The following KRT76 variants were observed in gnomAD, a reference collection of about 807,000 sequenced individuals.
The protein encoded by KRT76 is keratin, type II cytoskeletal 2 oral.
Under a neutral mutation model 44.9 loss-of-function variants are expected in KRT76, and 47 were observed. That is an observed-to-expected ratio of 1.05 (90% confidence interval 0.83 to 1.33). The LOEUF (loss-of-function observed/expected upper bound fraction) is 1.33, where lower values mean the gene tolerates loss of function less well. Among genes scored for constraint, KRT76 ranks in the 40% most tolerant of loss-of-function variants. The probability of loss-of-function intolerance (pLI) is 0.00; values close to 1 mark genes in which losing one functional copy is unlikely to be tolerated. For missense variants in KRT76, 860 were observed against 775.8 expected, an observed-to-expected ratio of 1.11 and a Z score of -1.29; for synonymous variants, 331 against 294.1, an observed-to-expected ratio of 1.13 and a Z score of -1.28.
At chr12:52,771,331 C>G in intron 6 of KRT76, 112 bp from the exon 7 acceptor site, 1 of 1,016,550 alleles carries the variant, frequency 9.8e-7, no homozygotes, top group South Asian at 1.5e-5. Flanking sequence ...CCTTAGAAAT[C>G]CCAATGGAGC....
intron 1 of KRT76, 109 bp downstream of exon 1, chr12:52,776,583 C>T (rs1198550584): frequency 7.0e-6 from 11 of 1,573,380 alleles, no homozygotes; most frequent in Non-Finnish European, 9.5e-6. Context: ...AGCACCAGGA[C>T]AAGAGCCAAG....
At chr12:52,769,743 C>T (rs1221572145) in intron 7 of KRT76, among the ~76,000 whole-genome samples, 160 bp from the exon 8 acceptor site, 1 of 152,228 alleles carries the variant, frequency 6.6e-6, no homozygotes. Context: ...ATGACCATAT[C>T]TCCCCAGAAA....
chr12:52,768,870 C>G lies in KRT76; in HGVS notation c.1760G>C (p.Gly587Ala). Residue 587 changes from glycine to alanine, a missense_variant, in exon 9 of 9, where the codon GGT becomes GCT. Physicochemically the swap from Gly to Ala is moderately conservative, Grantham distance 60 (BLOSUM62 0). Coordinates refer to ENST00000332411, the MANE Select transcript of KRT76 (RefSeq NM_015848.4). ...GTGGCTCACGGAGATGCTACCTGCA[C>G]CGCCGAGCCTGCTCCCACTACTGCT... is the stretch of plus-strand genomic sequence containing the variant. ...QSSSSGSRLGGAGSISVSHSG... is the reference protein window; with the variant it reads ...QSSSSGSRLGAAGSISVSHSG... 2 of 1,613,770 alleles carry G rather than the reference C, an allele frequency of 1.2e-6. No individual in the cohort carries two copies. Among genetic ancestry groups the G allele is most frequent in the South Asian group, 2.2e-5 (2 of 91,076 alleles).
chr12:52,775,325 A>T, intron 2 of KRT76, 63 bp downstream of exon 2: 1 of 1,485,830 alleles, frequency 6.7e-7, no homozygotes, highest in Non-Finnish European at 9.4e-7. Context: ...TGAAATCCCA[A>T]ATTAGGACCA....
intron 6 of KRT76, 84 bp downstream of exon 6, chr12:52,771,787 C>T (rs1939184717): frequency 6.8e-7 from 1 of 1,472,394 alleles, no homozygotes; most frequent in Admixed American, 2.0e-5. Flanking sequence ...ATGGAGAGAG[C>T]ATGTAGCAGA....
At chr12:52,769,661 G>GGGCGTGGCT in intron 7 of KRT76, 78 bp from the exon 8 acceptor site, 1 of 1,304,480 alleles carries the variant, frequency 7.7e-7, no homozygotes, top group Non-Finnish European at 1.1e-6. Flanking sequence ...AACTTTGGGA[G>GGGCGTGGCT]CCACGCCCTC....
intron 2 of KRT76, 149 bp downstream of exon 2, chr12:52,775,239 A>AC (rs1438419009): frequency 2.8e-6 from 2 of 711,938 alleles, no homozygotes; most frequent in Non-Finnish European, 4.7e-6. Flanking sequence ...CCACCCTTTC[A>AC]CCCCCTTCTG....
rs770523251 is a variant in KRT76 at position 52,771,072 on chromosome 12, G to A, written c.1411C>T (p.Leu471=). The change falls in exon 7 of 9, where the codon CTG becomes TTG. Residue 471 remains leucine, a synonymous_variant. Transcript: ENST00000332411. ...LARLLRDYQE[L]MNVKLALDVE... ...TCCAGGGCCAGCTTGACGTTCATCAGCTCCTGGTAGTCACGCAGGAGCCGA... is the reference window on the plus strand; with the variant it reads ...TCCAGGGCCAGCTTGACGTTCATCAACTCCTGGTAGTCACGCAGGAGCCGA... 6.2e-7 allele frequency: 1 copy of A among 1,614,080 alleles called. No homozygotes were observed. Among genetic ancestry groups the A allele is most frequent in the Non-Finnish European group, 8.5e-7 (1 of 1,180,010 alleles).
chr12:52,775,890 G>T (rs1194321769), intron 1 of KRT76, among the ~76,000 whole-genome samples: 1 of 152,126 alleles, frequency 6.6e-6, no homozygotes, highest in Non-Finnish European at 1.5e-5. Context: ...GAGACTCAAA[G>T]AGTTTAAGTT....
chr12:52,772,048 C>T (rs369143024), intron 5 of KRT76, 46 bp downstream of exon 5: 4 of 1,608,048 alleles, frequency 2.5e-6, no homozygotes, highest in African/African-American at 2.7e-5. Context: ...TTGGCACATT[C>T]TCAATGAAGG....
chr12:52,774,429 A>G (rs1366595008), intron 2 of KRT76, among the ~76,000 whole-genome samples: 2 of 152,200 alleles, frequency 1.3e-5, no homozygotes, highest in Non-Finnish European at 1.5e-5. Context: ...CCTTCATTAC[A>G]GTTACTTCTT....
At chr12:52,775,260 T>C (rs7485556) in intron 2 of KRT76, 128 bp downstream of exon 2, 778,938 of 816,010 alleles carry the variant, frequency 0.95, 374,402 homozygotes, top group Non-Finnish European at 0.99. Flanking sequence ...CTTTGTCATG[T>C]TTCACTCAAT....
At chr12:52,776,639 C>T in intron 1 of KRT76, 53 bp downstream of exon 1, 1 of 1,612,390 alleles carries the variant, frequency 6.2e-7, no homozygotes, top group South Asian at 1.1e-5. Flanking sequence ...TCTTTCTACA[C>T]CGACCCCTGG....
rs1167275420 is a variant in KRT76 at position 52,768,902 on chromosome 12, G to A, written c.1728C>T (p.Tyr576=). The A allele has an allele frequency of 3.7e-6, 6 of 1,610,840 alleles. No individual in the cohort carries two copies. The highest frequency in any genetic ancestry group is 1.7e-5 in the Admixed American group (1 of 59,800). ...STGGRGSSGS[Y]QSSSSGSRLG... ...GCCTGCTCCCACTACTGCTGCTCTG[G>A]TAGCTCCCGCTGCTACCCCTGCCCC... The change falls in exon 9 of 9, where the codon TAC becomes TAT. Residue 576 remains tyrosine, a synonymous_variant. Coordinates refer to ENST00000332411, the MANE Select transcript of KRT76 (RefSeq NM_015848.4).
At chr12:52,773,433 A>C in intron 3 of KRT76, 149 bp downstream of exon 3, 1 of 548,970 alleles carries the variant, frequency 1.8e-6, no homozygotes, top group African/African-American at 1.9e-5. Flanking sequence ...TTCCTTCATG[A>C]AACATTTCAT....
chr12:52,773,010 C>T (rs1227884944), intron 3 of KRT76, 132 bp from the exon 4 acceptor site: 2 of 627,062 alleles, frequency 3.2e-6, no homozygotes, highest in Non-Finnish European at 5.7e-6. Context: ...CTCATCTTCC[C>T]TTTTAAAATA....
In KRT76 at chr12:52,776,902, ACCACCAAAGCCACCAGCT is replaced by A. The variant is rs749183675; in HGVS notation, c.372_389del (p.Ala125_Gly130del). 3.7e-6 allele frequency: 6 copies of A among 1,612,404 alleles called. No individual in the cohort carries two copies. The highest frequency in any genetic ancestry group is 2.7e-5 in the African/African-American group (2 of 74,908). On this transcript the variant is annotated inframe_deletion, in exon 1 of 9. Transcript: ENST00000332411. Reference sequence around the variant, plus strand: ...TGCCAGGCCCACCAAATACACCAGGACCACCAAAGCCACCAGCTCCACCAAAGCCACCAGCCCCTCCAA... The same window carrying A: ...TGCCAGGCCCACCAAATACACCAGGACCACCAAAGCCACCAGCCCCTCCAA...
chr12:52,768,645 C>T lies in KRT76; in HGVS notation c.*68G>A. On this transcript the variant is annotated 3_prime_UTR_variant, in exon 9 of 9. Coordinates refer to ENST00000332411, the MANE Select transcript of KRT76 (RefSeq NM_015848.4). ...CCCTTATGCATCTATTGATGCCAAG[C>T]AGAGAGTGGGAAACACTATTGCAGG... 6.6e-7 allele frequency: 1 copy of T among 1,512,278 alleles called. No individual in the cohort carries two copies. The highest frequency in any genetic ancestry group is 8.9e-7 in the Non-Finnish European group (1 of 1,118,546). 93.7% of individuals were successfully genotyped at this position (1,512,278 alleles called of 1,614,324 possible). A position where few individuals can be genotyped will look rare whatever the true frequency, so the allele number is the denominator to read the frequency against.
chr12:52,774,141 T>A (rs1361989145), intron 2 of KRT76, among the ~76,000 whole-genome samples: 2 of 152,220 alleles, frequency 1.3e-5, no homozygotes, highest in Non-Finnish European at 2.9e-5. Context: ...ATTTTGTAAC[T>A]AGGTTCCTGC....
Sources: gnomAD v4.1 joint callset for allele counts (sites outside exome capture counted in the v4.1 genomes callset) on GRCh38, gnomAD v4.1.1 for gene constraint, MANE v1.5 for transcripts, NCBI Gene and HGNC (gene_info 2026-07-23, HGNC 2026-07-21) for gene names.